MARCHF1: variants seen among roughly 807,000 people sequenced by gnomAD.
MARCHF1 encodes membrane associated ring-CH-type finger 1.
Under a neutral mutation model 54.2 loss-of-function variants are expected in MARCHF1, and 40 were observed. The ratio of observed to expected loss-of-function variants is 0.74; its 90% CI spans 0.57 to 0.96. The LOEUF (loss-of-function observed/expected upper bound fraction) is 0.96, where lower values mean the gene tolerates loss of function less well. Among genes scored for constraint, MARCHF1 ranks in the 40% least tolerant of loss-of-function variants. The pLI is 0.00. For synonymous variants in MARCHF1, 236 were observed against 236.3 expected, an observed-to-expected ratio of 1.00 and a Z score of 0.01; for missense variants, 586 against 656.5, an observed-to-expected ratio of 0.89 and a Z score of 1.17.
At chr4:164,298,755 T>C (rs1734475992) in intron 1 of MARCHF1, among the ~76,000 whole-genome samples, 1 of 152,094 alleles carries the variant, frequency 6.6e-6, no homozygotes, top group Non-Finnish European at 1.5e-5. Flanking sequence ...TTGGAAAGAA[T>C]TGCTCTTCTG....
At chr4:163,733,258 T>TATACACGTGTATATACACACAC (rs1554008879) in intron 4 of MARCHF1, among the ~76,000 whole-genome samples, 3 of 45,062 alleles carry the variant, frequency 6.7e-5, no homozygotes, top group Non-Finnish European at 1.6e-4. Flanking sequence ...TATATATATA[T>TATACACGTGTATATACACACAC]ACACACACAC....
chr4:163,884,617 G>A (rs569754174), intron 3 of MARCHF1, among the ~76,000 whole-genome samples: 3 of 152,150 alleles, frequency 2.0e-5, no homozygotes, highest in South Asian at 2.1e-4. Flanking sequence ...GATTTTGTCC[G>A]GTTCACCAGG....
chr4:164,091,649 C>G (rs1423181106), intron 2 of MARCHF1, among the ~76,000 whole-genome samples: 1 of 151,782 alleles, frequency 6.6e-6, no homozygotes, highest in Non-Finnish European at 1.5e-5. Flanking sequence ...AATAAAAGAT[C>G]ACCTATCTAC....
chr4:163,871,941 T>C (rs888544776), intron 3 of MARCHF1, among the ~76,000 whole-genome samples: 5 of 152,254 alleles, frequency 3.3e-5, no homozygotes, highest in African/African-American at 1.2e-4. Flanking sequence ...GTTTTATTTG[T>C]CAGTGAAAGA....
At chr4:163,897,930 G>A (rs534353837) in intron 3 of MARCHF1, among the ~76,000 whole-genome samples, 4 of 151,660 alleles carry the variant, frequency 2.6e-5, no homozygotes, top group South Asian at 2.1e-4. Context: ...GCATGGTGGC[G>A]GGCGCCTGTA....
chr4:163,791,998 A>G (rs536890990), intron 4 of MARCHF1, among the ~76,000 whole-genome samples: 1 of 152,288 alleles, frequency 6.6e-6, no homozygotes, highest in African/African-American at 2.4e-5. Flanking sequence ...GCTGGAATTA[A>G]GAGGGGAAAA....
intron 2 of MARCHF1, among the ~76,000 whole-genome samples, chr4:163,997,011 TAAAACAC>T (rs1441896177): frequency 2.6e-5 from 4 of 152,148 alleles, no homozygotes; most frequent in Admixed American, 2.6e-4. Context: ...CTTAGGAAAC[TAAAACAC>T]TTCCACAGAC....
At chr4:164,068,622 T>G (rs116274632) in intron 2 of MARCHF1, among the ~76,000 whole-genome samples, 4,225 of 152,242 alleles carry the variant, frequency 0.028, 179 homozygotes, top group African/African-American at 0.096. Flanking sequence ...CAACCTGCCA[T>G]GCCTGAGCCT....
intron 1 of MARCHF1, among the ~76,000 whole-genome samples, chr4:164,303,918 G>A (rs4234967): frequency 0.5 from 75,602 of 152,016 alleles, 19,409 homozygotes; most frequent in Non-Finnish European, 0.56. Flanking sequence ...TTGGGTAATC[G>A]ACACTCCGAG....
chr4:164,151,875 T>G (rs1729952187), intron 1 of MARCHF1, among the ~76,000 whole-genome samples: 1 of 152,132 alleles, frequency 6.6e-6, no homozygotes, highest in African/African-American at 2.4e-5. Flanking sequence ...AACTGCAGCT[T>G]TCTTGACCTT....
chr4:164,356,778 AGC>A (rs1491450865), intron 1 of MARCHF1, among the ~76,000 whole-genome samples: 2 of 135,244 alleles, frequency 1.5e-5, no homozygotes, highest in Non-Finnish European at 1.5e-5. Context: ...AAAAAAGAAA[AGC>A]AAAAAAAAAA....
chr4:163,626,426 A>G (rs1042898628), intron 5 of MARCHF1, among the ~76,000 whole-genome samples: 2 of 152,232 alleles, frequency 1.3e-5, no homozygotes, highest in African/African-American at 4.8e-5. Context: ...TATATAATTT[A>G]TGAGTGTGAA....
intron 3 of MARCHF1, among the ~76,000 whole-genome samples, chr4:163,913,236 T>G (rs4568197): frequency 0.92 from 140,319 of 152,212 alleles, 65,498 homozygotes; most frequent in South Asian, 0.99. Context: ...CACACATGCA[T>G]AATGTACTTG....
intron 7 of MARCHF1, among the ~76,000 whole-genome samples, chr4:163,604,595 A>T (rs1357122635): frequency 6.6e-6 from 1 of 152,108 alleles, no homozygotes; most frequent in Non-Finnish European, 1.5e-5. Flanking sequence ...ATTTTCCAAA[A>T]CACAAGTCTG....
At chr4:163,582,453 G>C (rs994427345) in intron 8 of MARCHF1, among the ~76,000 whole-genome samples, 1 of 152,112 alleles carries the variant, frequency 6.6e-6, no homozygotes, top group African/African-American at 2.4e-5. Flanking sequence ...AATTAATGAG[G>C]TAACATTTTG....
chr4:163,710,646 C>G (rs1171903123), intron 4 of MARCHF1, among the ~76,000 whole-genome samples: 2 of 151,892 alleles, frequency 1.3e-5, no homozygotes, highest in Non-Finnish European at 2.9e-5. Flanking sequence ...AGTTTACACA[C>G]TCTTGTACTG....
intron 1 of MARCHF1, among the ~76,000 whole-genome samples, chr4:164,243,337 G>A (rs1732835409): frequency 6.9e-6 from 1 of 144,426 alleles, no homozygotes; most frequent in Non-Finnish European, 1.5e-5. Flanking sequence ...CATTCTTAAA[G>A]AAAAGAATTT....
At chr4:164,139,596 A>G (rs544918492) in intron 1 of MARCHF1, among the ~76,000 whole-genome samples, 1 of 152,228 alleles carries the variant, frequency 6.6e-6, no homozygotes, top group East Asian at 1.9e-4. Flanking sequence ...GACTGCCAGA[A>G]ATGACCTGTG....
chr4:164,087,151 G>A (rs1424877938), intron 2 of MARCHF1, among the ~76,000 whole-genome samples: 1 of 151,928 alleles, frequency 6.6e-6, no homozygotes, highest in African/African-American at 2.4e-5. Flanking sequence ...TGATGTTTTG[G>A]TCAATTTACT....
Sources: allele counts gnomAD v4.1 joint callset (sites outside exome capture counted in the v4.1 genomes callset), GRCh38; gene constraint gnomAD v4.1.1; transcripts MANE v1.5; gene names NCBI Gene and HGNC (gene_info 2026-07-23, HGNC 2026-07-21).